Variants in WDR27 observed in about 807,000 individuals in gnomAD.
WDR27 encodes WD repeat-containing protein 27.
Under a neutral mutation model 114.4 loss-of-function variants are expected in WDR27, and 100 were observed. The ratio of observed to expected loss-of-function variants is 0.87; its 90% CI spans 0.74 to 1.03. The LOEUF is 1.03. Among genes scored for constraint, WDR27 ranks in the 50% least tolerant of loss-of-function variants. The pLI is 0.00. For missense variants in WDR27, 1,129 were observed against 1,092.9 expected, an observed-to-expected ratio of 1.03 and a Z score of -0.47; for synonymous variants, 449 against 423.1, an observed-to-expected ratio of 1.06 and a Z score of -0.75.
At chr6:169,634,109 A>G (rs956161900) in intron 20 of WDR27, among the ~76,000 whole-genome samples, 1 of 152,210 alleles carries the variant, frequency 6.6e-6, no homozygotes, top group African/African-American at 2.4e-5. Context: ...CCAGCTATGC[A>G]GATGAGATAC....
chr6:169,675,258 A>G (rs1412764648), intron 2 of WDR27, among the ~76,000 whole-genome samples: 2 of 151,982 alleles, frequency 1.3e-5, no homozygotes, highest in African/African-American at 2.4e-5. Context: ...GTGAGTTCTC[A>G]TGAGATCTGA....
At chr6:169,448,559 G>A in the WDR27 span, among the ~76,000 whole-genome samples, 7 of 152,290 alleles carry the variant, frequency 4.6e-5, 1 homozygote, top group South Asian at 4.1e-4. Flanking sequence ...GTCGGAAGCC[G>A]GTGGCGGCTG....
chr6:169,691,198 G>A (rs1387588273), intron 1 of WDR27, among the ~76,000 whole-genome samples: 2 of 152,108 alleles, frequency 1.3e-5, no homozygotes, highest in Non-Finnish European at 2.9e-5. Context: ...CTGGGCAACA[G>A]AGCGAGACTC....
At chr6:169,497,597 G>C (rs766858141) in intron 25 of WDR27, among the ~76,000 whole-genome samples, 36 of 150,948 alleles carry the variant, frequency 2.4e-4, no homozygotes, top group Middle Eastern at 3.4e-3. Context: ...TTAAGAACTT[G>C]AATAGACATT....
intron 25 of WDR27, among the ~76,000 whole-genome samples, chr6:169,525,727 T>C (rs1017634438): frequency 6.6e-6 from 1 of 152,124 alleles, no homozygotes; most frequent in African/African-American, 2.4e-5. Flanking sequence ...ATATATATGA[T>C]CCAGCCATCC....
At chr6:169,687,451 AC>A (rs1783299464) in intron 2 of WDR27, among the ~76,000 whole-genome samples, 1 of 152,170 alleles carries the variant, frequency 6.6e-6, no homozygotes, top group African/African-American at 2.4e-5. Flanking sequence ...ATCACAAAAA[AC>A]AATATCTAAA....
intron 25 of WDR27, among the ~76,000 whole-genome samples, chr6:169,513,149 G>A (rs1167616298): frequency 6.6e-6 from 1 of 152,148 alleles, no homozygotes; most frequent in African/African-American, 2.4e-5. Context: ...TCACCCTGTG[G>A]TGCTTGGTTG....
Position 169,488,941 on chromosome 6 carries a change from G to GC in WDR27, c.2646-31308dup, listed in dbSNP as rs201164503. 9.8e-4 allele frequency among the ~76,000 whole-genome samples: 119 copies of GC among 121,694 alleles called. 1 individual carries two copies. The highest frequency in any genetic ancestry group is 1.6e-3 in the South Asian group (6 of 3,868). 79.8% of individuals were successfully genotyped at this position (121,694 alleles called of 152,430 possible). On this transcript the variant is annotated intron_variant, in intron 25 of 25. Coordinates refer to ENST00000448612, the MANE Select transcript of WDR27 (RefSeq NM_182552.5). ...GTGGGCGTCAAATGGCACATTTGAT[G>GC]CCCCCTTTTTTTTTTTTTTTTGCAT...
intron 25 of WDR27, among the ~76,000 whole-genome samples, chr6:169,470,824 AT>A (rs1164966972): frequency 6.6e-6 from 1 of 152,140 alleles, no homozygotes; most frequent in East Asian, 1.9e-4. Context: ...GGAGCATGCA[AT>A]TTGGTCCATA....
chr6:169,579,419 A>G (rs1293487328), intron 24 of WDR27, among the ~76,000 whole-genome samples: 2 of 152,182 alleles, frequency 1.3e-5, no homozygotes, highest in East Asian at 3.8e-4. Context: ...GAAATGAGAA[A>G]TTAGGGGGTC....
chr6:169,428,608 A>AGGGGGGGGTGGGGGGGGGGGGGGGG, the WDR27 span, among the ~76,000 whole-genome samples: 1 of 114,466 alleles, frequency 8.7e-6, no homozygotes, highest in Non-Finnish European at 1.8e-5. Flanking sequence ...GGCGGGGGGG[A>AGGGGGGGGTGGGGGGGGGGGGGGGG]GGGGGGGGTT....
At chr6:169,674,244 C>T (rs1245561781) in intron 2 of WDR27, among the ~76,000 whole-genome samples, 3 of 152,026 alleles carry the variant, frequency 2.0e-5, no homozygotes, top group Admixed American at 6.6e-5. Context: ...TAGAGAAATG[C>T]GATGCCTACA....
At chr6:169,668,805 C>T (rs1029042134) in intron 4 of WDR27, 2 of 152,336 alleles carry the variant, frequency 1.3e-5, no homozygotes, top group Non-Finnish European at 2.9e-5. Context: ...CCTTAATATA[C>T]ATGCAGAAAA....
intron 25 of WDR27, among the ~76,000 whole-genome samples, chr6:169,468,052 ATC>A (rs1785842486): frequency 6.6e-6 from 1 of 152,182 alleles, no homozygotes; most frequent in African/African-American, 2.4e-5. Context: ...AGTTCCATAG[ATC>A]TCTAGGGCAT....
intron 1 of WDR27, among the ~76,000 whole-genome samples, chr6:169,697,420 C>T (rs889911794): frequency 7.2e-5 from 11 of 152,082 alleles, no homozygotes; most frequent in African/African-American, 2.4e-4. Context: ...CTTAGCAGAC[C>T]GGGAAAGGGA....
intron 24 of WDR27, among the ~76,000 whole-genome samples, chr6:169,580,509 TG>T (rs1409628617): frequency 1.3e-5 from 2 of 152,250 alleles, no homozygotes; most frequent in Non-Finnish European, 2.9e-5. Flanking sequence ...ATTGCCTTTG[TG>T]AAGGAGAAGA....
chr6:169,585,752 T>C (rs893334436), intron 23 of WDR27, among the ~76,000 whole-genome samples: 1 of 152,114 alleles, frequency 6.6e-6, no homozygotes, highest in Non-Finnish European at 1.5e-5. Flanking sequence ...ATTGACTTCA[T>C]GTTGAGTGGG....
chr6:169,450,149 G>C, the WDR27 span, among the ~76,000 whole-genome samples: 2 of 152,052 alleles, frequency 1.3e-5, no homozygotes, highest in African/African-American at 4.8e-5. Flanking sequence ...TCATCATTAC[G>C]AAGACTGGGG....
At chr6:169,612,423 G>A (rs537207252) in intron 22 of WDR27, among the ~76,000 whole-genome samples, 9 of 152,078 alleles carry the variant, frequency 5.9e-5, no homozygotes, top group South Asian at 4.1e-4. Flanking sequence ...GCGAGACTCC[G>A]TCTCAAAACA....
Sources: allele counts gnomAD v4.1 joint callset (sites outside exome capture counted in the v4.1 genomes callset), GRCh38; gene constraint gnomAD v4.1.1; transcripts MANE v1.5; gene names NCBI Gene and HGNC (gene_info 2026-07-23, HGNC 2026-07-21).